The following ZNF607 variants were observed in gnomAD, a reference collection of about 807,000 sequenced individuals.
The protein encoded by ZNF607 is zinc finger protein 607.
ZNF607 carries 5 observed loss-of-function variants against 12.8 expected under a neutral mutation model. That is an observed-to-expected ratio of 0.39 (90% CI 0.20 to 0.82). The LOEUF is 0.82. ZNF607 is among the 40% of genes least tolerant of loss of function. The pLI, the probability that ZNF607 is intolerant of heterozygous loss-of-function variation, is 0.39. For missense variants in ZNF607, 851 were observed against 859.2 expected (o/e 0.99, Z 0.12); for synonymous variants, 287 against 276.2 (o/e 1.04, Z -0.39).
chr19:37,696,492 T>A lies in ZNF607; in HGVS notation c.*1548A>T, dbSNP rs2044975106. On this transcript the variant is annotated 3_prime_UTR_variant, in exon 5 of 5. Coordinates refer to ENST00000355202, the MANE Select transcript of ZNF607 (RefSeq NM_032689.5). ...TTAGAGATCTGAAGTGATTTTACCT[T>A]TACTTCCTTCACTTTAAGCCAATCA... The A allele has an allele frequency of 2.7e-6, 1 of 372,950 alleles. No homozygotes were observed. The highest frequency in any genetic ancestry group is 3.0e-5 in the South Asian group (1 of 33,824). The allele number at this position is 372,950 out of a possible 1,614,324, so 23.1% of individuals were successfully genotyped here.
intron 3 of ZNF607, among the ~76,000 whole-genome samples, chr19:37,708,451 C>T (rs2045105200): frequency 6.6e-6 from 1 of 151,824 alleles, no homozygotes; most frequent in African/African-American, 2.4e-5. Flanking sequence ...ATCTGGGCCT[C>T]CCAAAGCACT....
intron 4 of ZNF607, among the ~76,000 whole-genome samples, chr19:37,704,068 A>C (rs779283131): frequency 1.7e-4 from 26 of 151,828 alleles, no homozygotes; most frequent in Non-Finnish European, 2.8e-4. Context: ...CCGGAGGCGG[A>C]GGTTGCAGTG....
At chr19:37,712,983 T>C (rs1752390293) in intron 1 of ZNF607, among the ~76,000 whole-genome samples, 1 of 152,060 alleles carries the variant, frequency 6.6e-6, no homozygotes, top group African/African-American at 2.4e-5. Context: ...TACAGCTTTA[T>C]TTCAGGTCTT....
intron 4 of ZNF607, among the ~76,000 whole-genome samples, chr19:37,703,574 T>C (rs2045057500): frequency 6.6e-6 from 1 of 152,080 alleles, no homozygotes; most frequent in African/African-American, 2.4e-5. Context: ...ACAAGGAACA[T>C]ACTTTAAAGA....
Position 37,708,016 on chromosome 19 carries a change from A to G in ZNF607, c.137-4T>C. ...GGCTTAGATACGGAATGTCCTGCTT[A>G]CAAAGAAAAGAAGTGCCACAAAATA... On this transcript the variant is annotated splice_region_variant and splice_polypyrimidine_tract_variant and intron_variant, in intron 3 of 4. Coordinates refer to ENST00000355202, the MANE Select transcript of ZNF607 (RefSeq NM_032689.5). The G allele has an allele frequency of 6.2e-7, 1 of 1,602,234 alleles. No homozygotes were observed. Among genetic ancestry groups the G allele is most frequent in the African/African-American group, 1.3e-5 (1 of 74,406 alleles).
chr19:37,701,291 A>G, intron 4 of ZNF607, among the ~76,000 whole-genome samples: 1 of 152,344 alleles, frequency 6.6e-6, no homozygotes, highest in East Asian at 1.9e-4. Context: ...CAAAGAATTA[A>G]TCTATCAGTA....
intron 4 of ZNF607, among the ~76,000 whole-genome samples, chr19:37,702,306 AAAAG>A (rs1246621033): frequency 3.3e-5 from 5 of 151,072 alleles, no homozygotes; most frequent in African/African-American, 1.2e-4. Context: ...AAAAAAAAAA[AAAAG>A]AAAGAAGAAA....
At chr19:37,705,694 A>G (rs1219254128) in intron 4 of ZNF607, among the ~76,000 whole-genome samples, 7 of 151,696 alleles carry the variant, frequency 4.6e-5, no homozygotes, top group Non-Finnish European at 8.8e-5. Context: ...CCAAAAAAAA[A>G]AAAAAAAAAA....
chr19:37,711,388 T>A (rs2045131360), intron 2 of ZNF607, among the ~76,000 whole-genome samples: 1 of 152,198 alleles, frequency 6.6e-6, no homozygotes, highest in African/African-American at 2.4e-5. Flanking sequence ...CTAGAGGACA[T>A]TAATTTGGTC....
chr19:37,718,542 T>C (rs961025495), intron 1 of ZNF607, among the ~76,000 whole-genome samples: 2 of 152,060 alleles, frequency 1.3e-5, no homozygotes, highest in Non-Finnish European at 2.9e-5. Context: ...GTAACAACCC[T>C]TTTCAGGAGG....
intron 1 of ZNF607, among the ~76,000 whole-genome samples, chr19:37,717,752 G>C (rs1333794171): frequency 2.9e-5 from 4 of 140,214 alleles, no homozygotes; most frequent in Non-Finnish European, 6.0e-5. Flanking sequence ...GTTGCAGTGA[G>C]CAGAGATCGC....
chr19:37,701,529 G>C (rs1453949894), intron 4 of ZNF607, among the ~76,000 whole-genome samples: 1 of 152,130 alleles, frequency 6.6e-6, no homozygotes, highest in Non-Finnish European at 1.5e-5. Context: ...AGCCAATAGG[G>C]GAACGACACA....
At chr19:37,718,415 A>T (rs958423748) in intron 1 of ZNF607, among the ~76,000 whole-genome samples, 3 of 152,108 alleles carry the variant, frequency 2.0e-5, no homozygotes, top group Non-Finnish European at 4.4e-5. Flanking sequence ...GACCAGAAGG[A>T]AGTATGTTGG....
At chr19:37,713,913 T>C (rs2045152388) in intron 1 of ZNF607, among the ~76,000 whole-genome samples, 1 of 152,198 alleles carries the variant, frequency 6.6e-6, no homozygotes, top group South Asian at 2.1e-4. Context: ...TTAAACATAT[T>C]ATTCTCCGGA....
In ZNF607 at chr19:37,699,238, C is replaced by T; in HGVS notation, c.893G>A (p.Gly298Asp). ...KAFRQFSHLV[G>D]HKRIHTGEKP... ...TTCTCCAGTATGAATTCTTTTATGA[C>T]CCACAAGGTGGGAAAACTGACGAAA... Residue 298 changes from glycine to aspartate, a missense_variant, in exon 5 of 5, where the codon GGT becomes GAT. Gly to Asp is a moderately conservative substitution (Grantham distance 94). Coordinates refer to ENST00000355202, the MANE Select transcript of ZNF607 (RefSeq NM_032689.5). 6.2e-7 allele frequency: 1 copy of T among 1,613,972 alleles called. No individual in the cohort carries two copies. The highest frequency in any genetic ancestry group is 8.5e-7 in the Non-Finnish European group (1 of 1,179,986).
chr19:37,699,036 A>AT lies in ZNF607; in HGVS notation c.1094dup (p.Tyr365Ter). The change falls in exon 5 of 5, where the codon TAT becomes TAAT. Residue 365 changes from tyrosine (Y) to a stop codon, truncating the protein, a stop_gained and frameshift_variant. Coordinates refer to ENST00000355202, the MANE Select transcript of ZNF607 (RefSeq NM_032689.5). LOFTEE classifies it low-confidence loss of function (END_TRUNC). Reference protein sequence around the residue: ...PHTFESVEKPYKCEECGKAFS... With the variant: ...PHTFESVEKP ...AGGCTTTCCCACATTCCTCACACTT[A>AT]TAAGGTTTCTCAACACTTTCAAATG... is the stretch of plus-strand genomic sequence containing the variant. 6.2e-7 allele frequency: 1 copy of AT among 1,613,960 alleles called. No homozygotes were observed. The highest frequency in any genetic ancestry group is 8.5e-7 in the Non-Finnish European group (1 of 1,179,984).
In ZNF607 at chr19:37,709,744, A is replaced by G; in HGVS notation, c.88T>C (p.Leu30=). ...WEYLSLVQKT[L]YQEVMMENYD... The stretch of plus-strand genomic sequence containing the variant: ...TTCTCCATCATCACCTCCTGGTACA[A>G]GGTCTTCTGAACCAGGCTGAGATAT... Residue 30 remains leucine (L), a synonymous_variant, in exon 3 of 5, where the codon TTG becomes CTG. Coordinates refer to ENST00000355202, the MANE Select transcript of ZNF607 (RefSeq NM_032689.5). 6.2e-7 allele frequency: 1 copy of G among 1,614,068 alleles called. No individual in the cohort carries two copies. Among genetic ancestry groups the G allele is most frequent in the Non-Finnish European group, 8.5e-7 (1 of 1,179,906 alleles).
intron 1 of ZNF607, among the ~76,000 whole-genome samples, chr19:37,718,644 T>C (rs1353718967): frequency 1.3e-5 from 2 of 152,198 alleles, no homozygotes; most frequent in African/African-American, 4.8e-5. Flanking sequence ...CACTTCACTG[T>C]AAAATCTGGC....
intron 4 of ZNF607, among the ~76,000 whole-genome samples, chr19:37,707,597 T>C (rs1056813986): frequency 1.1e-4 from 17 of 151,864 alleles, no homozygotes; most frequent in Admixed American, 1.0e-3. Context: ...TAGGGAGACC[T>C]CATCTCTAAA....
Sources: allele counts gnomAD v4.1 joint callset (sites outside exome capture counted in the v4.1 genomes callset), GRCh38; gene constraint gnomAD v4.1.1; transcripts MANE v1.5; gene names NCBI Gene and HGNC (gene_info 2026-07-23, HGNC 2026-07-21).